Variants in DNMT3A observed in about 807,000 individuals in gnomAD.
DNMT3A encodes the protein DNA methyltransferase 3 alpha, also known as DNA (cytosine-5)-methyltransferase 3A.
Under a neutral mutation model 117.6 loss-of-function variants are expected in DNMT3A, and 267 were observed. The ratio of observed to expected loss-of-function variants is 2.27; its 90% CI spans 2.05 to 2.51. DNMT3A has a LOEUF of 2.51. Among genes scored for constraint, DNMT3A ranks in the 30% most tolerant of loss-of-function variants. The pLI, the probability that DNMT3A is intolerant of heterozygous loss-of-function variation, is 0.00. For synonymous variants in DNMT3A, 432 were observed against 474.8 expected, an observed-to-expected ratio of 0.91 and a Z score of 1.17; for missense variants, 1,029 against 1,260.2, an observed-to-expected ratio of 0.82 and a Z score of 2.78.
intron 1 of DNMT3A, among the ~76,000 whole-genome samples, chr2:25,320,329 G>A (rs978258390): frequency 5.3e-5 from 8 of 152,174 alleles, no homozygotes; most frequent in African/African-American, 1.4e-4. Context: ...GTGACTGCCC[G>A]TGTGGAAAGC....
chr2:25,277,148 G>T (rs1408622619), intron 4 of DNMT3A, among the ~76,000 whole-genome samples: 1 of 152,136 alleles, frequency 6.6e-6, no homozygotes, highest in Non-Finnish European at 1.5e-5. Flanking sequence ...CTTGTCGCGG[G>T]CACCTGTGCG....
In DNMT3A at chr2:25,336,112, C is replaced by T. The variant is rs533849762; in HGVS notation, c.-178+5714G>A. On this transcript the variant is annotated intron_variant, in intron 1 of 22. Coordinates refer to ENST00000321117, the MANE Select transcript of DNMT3A (RefSeq NM_022552.5). ...ATGTGATCAGCAAGGGAGATTTGGCCCAGAAGGCCCTGCCCACCAGCTGTT... is the reference window on the plus strand; with the variant it reads ...ATGTGATCAGCAAGGGAGATTTGGCTCAGAAGGCCCTGCCCACCAGCTGTT... 2.2e-4 allele frequency among the ~76,000 whole-genome samples: 34 copies of T among 152,338 alleles called. No individual in the cohort carries two copies. The South Asian group carries it at 6.4e-3, about 29-fold the overall frequency.
intron 3 of DNMT3A, among the ~76,000 whole-genome samples, chr2:25,299,282 C>T (rs1056889296): frequency 6.6e-6 from 1 of 152,176 alleles, no homozygotes; most frequent in African/African-American, 2.4e-5. Flanking sequence ...AAGCCTGGCG[C>T]TGGGGCTGGC....
At position 25,233,551 on chromosome 2, in the gene DNMT3A, G is replaced by T; in HGVS notation, c.*728C>A. Reference sequence around the variant, plus strand: ...TGATTTTCTTCAAGGTTTCCTGTGTGGTAGGCACCTGAAATACTGTAGAAA... The same window carrying T: ...TGATTTTCTTCAAGGTTTCCTGTGTTGTAGGCACCTGAAATACTGTAGAAA... On this transcript the variant is annotated 3_prime_UTR_variant, in exon 23 of 23. Coordinates refer to ENST00000321117, the MANE Select transcript of DNMT3A (RefSeq NM_022552.5). 2 of 233,336 alleles carry T rather than the reference G, an allele frequency of 8.6e-6. No individual in the cohort carries two copies. Among genetic ancestry groups the T allele is most frequent in the Non-Finnish European group, 1.7e-5 (2 of 117,948 alleles). The allele number at this position is 233,336 out of a possible 1,614,324, so 14.5% of individuals were successfully genotyped here.
rs774696234 is a variant in DNMT3A, at chr2:25,244,647, G to T, written c.1560C>A (p.Cys520Ter). Residue 520 changes from cysteine (C) to a stop codon, truncating the protein, a stop_gained, in exon 14 of 23, where the codon TGC becomes TGA. Transcript: ENST00000321117. LOFTEE classifies it high-confidence loss of function. ...VGGMCQNCKN[C>*]FLECAYQYDD... The stretch of plus-strand genomic sequence containing the variant: ...CGTACTGGTACGCACACTCCAGAAA[G>T]CAGTTCTAGACAGCAGCGGGAAGGG... The T allele has an allele frequency of 6.2e-7, 1 of 1,614,060 alleles. No homozygotes were observed. Among genetic ancestry groups the T allele is most frequent in the Non-Finnish European group, 8.5e-7 (1 of 1,179,964 alleles).
chr2:25,340,527 G>A (rs1345532937), intron 1 of DNMT3A, among the ~76,000 whole-genome samples: 3 of 152,040 alleles, frequency 2.0e-5, no homozygotes, highest in African/African-American at 7.2e-5. Context: ...GGGGAGGGAA[G>A]GCAGGGCGGC....
rs1431156021 is a variant in DNMT3A at position 25,243,904 on chromosome 2, C to T, written c.1930G>A (p.Ala644Thr). ...IRVLSLFDGI[A>T]TGLLVLKDLG... ...TTGGGCCTGCACCCCTCACCTGTAG[C>T]GATTCCATCAAAGAGAGACAGCACC... The change falls in exon 16 of 23, where the codon GCT (alanine) becomes ACT (threonine). Residue 644 changes from alanine (A) to threonine (T), a missense_variant. Coordinates refer to ENST00000321117, the MANE Select transcript of DNMT3A (RefSeq NM_022552.5). The T allele has an allele frequency of 2.6e-6, 4 of 1,551,926 alleles. No homozygotes were observed. The highest frequency in any genetic ancestry group is 2.0e-5 in the Admixed American group (1 of 51,010).
At position 25,245,388 on chromosome 2, in the gene DNMT3A, C is replaced by T. The variant is rs143918733; in HGVS notation, c.1475-56G>A. On this transcript the variant is annotated intron_variant, in intron 12 of 22. Coordinates refer to ENST00000321117, the MANE Select transcript of DNMT3A (RefSeq NM_022552.5). ...TACCACCGAAGGGCCTCTCCCTCCC[C>T]GGGCCGGAGCCCAGCACCAGACCAG... 1.4e-4 allele frequency: 210 copies of T among 1,516,072 alleles called. No homozygotes were observed. The African/African-American group carries it at 2.2e-3, about 16-fold the overall frequency. 93.9% of individuals were successfully genotyped at this position (1,516,072 alleles called of 1,614,324 possible). A position where few individuals can be genotyped will look rare whatever the true frequency, so the allele number is the denominator to read the frequency against.
chr2:25,243,960 G>GGTGGGTA lies in DNMT3A; in HGVS notation c.1867_1873dup (p.Pro625LeufsTer7). 1 of 1,553,566 alleles carries GGTGGGTA rather than the reference G, an allele frequency of 6.4e-7. No homozygotes were observed. Among genetic ancestry groups the GGTGGGTA allele is most frequent in the Non-Finnish European group, 8.7e-7 (1 of 1,147,886 alleles). ...GGGCTTCCTCTTCTCAGCTGGGACAGGTGGGTAAACCTTTGGAGGGTCCTA... is the reference window on the plus strand; with the variant it reads ...GGGCTTCCTCTTCTCAGCTGGGACAGGTGGGTAGTGGGTAAACCTTTGGAGGGTCCTA... On this transcript the variant is annotated frameshift_variant, in exon 16 of 23. Transcript: ENST00000321117. LOFTEE classifies it high-confidence loss of function.
chr2:25,294,279 C>T lies in DNMT3A; in HGVS notation c.177+5860G>A, dbSNP rs943933825. Among the ~76,000 whole-genome samples, 12 of 152,280 alleles carry T rather than the reference C, an allele frequency of 7.9e-5. No individual in the cohort carries two copies. Among genetic ancestry groups the T allele is most frequent in the African/African-American group, 2.6e-4 (11 of 41,558 alleles). On this transcript the variant is annotated intron_variant, in intron 3 of 22. Transcript: ENST00000321117. This position sits in a 1 kb window ranked among gnomAD's most constrained non-coding sequence, Gnocchi z 4.7. The stretch of plus-strand genomic sequence containing the variant: ...GCCCTTCCATGCAGCACTCCAGTAG[C>T]GGGCGTTGATTTCACCGCTCAGGTC...
chr2:25,307,114 T>C (rs559841864), intron 2 of DNMT3A, among the ~76,000 whole-genome samples: 144 of 152,338 alleles, frequency 9.5e-4, no homozygotes, highest in Admixed American at 2.5e-3. Flanking sequence ...GATGACAGAA[T>C]GAGTCAATTA....
intron 6 of DNMT3A, among the ~76,000 whole-genome samples, chr2:25,261,751 C>T (rs1227463436): frequency 6.6e-6 from 1 of 152,168 alleles, no homozygotes; most frequent in East Asian, 1.9e-4. Flanking sequence ...CCCCCGGCCA[C>T]CTGCTCCCAG....
rs1672899546 is a variant in DNMT3A, at chr2:25,231,957, G to A, written c.*2322C>T. 6.6e-6 allele frequency: 1 copy of A among 152,410 alleles called. No individual in the cohort carries two copies. Among genetic ancestry groups the A allele is most frequent in the South Asian group, 2.1e-4 (1 of 4,830 alleles). The allele number at this position is 152,410 out of a possible 1,614,324, so 9.4% of individuals were successfully genotyped here. ...GGAGCCCCCTGGCGTGTGTGTGTGT[G>A]TGTGAGTGCATTCATTATGCATCAG... On this transcript the variant is annotated 3_prime_UTR_variant, in exon 23 of 23. Coordinates refer to ENST00000321117, the MANE Select transcript of DNMT3A (RefSeq NM_022552.5).
At chr2:25,244,127 G>C (rs1156697548) in intron 15 of DNMT3A, 28 bp downstream of exon 15, 3 of 1,613,646 alleles carry the variant, frequency 1.9e-6, no homozygotes, top group Non-Finnish European at 2.5e-6. Flanking sequence ...AAGGGAGCTC[G>C]AGACCGCGCC....
chr2:25,234,385 GAGACGTC>G lies in DNMT3A; in HGVS notation c.2626_2632del (p.Asp876ProfsTer3). 6.2e-7 allele frequency: 1 copy of G among 1,614,114 alleles called. No individual in the cohort carries two copies. Among genetic ancestry groups the G allele is most frequent in the Non-Finnish European group, 8.5e-7 (1 of 1,179,996 alleles). Reference sequence around the variant, plus strand: ...CTGCCTCGCCAAGCGGCTCATGTTGGAGACGTCAGTATAGTGGACTGGGAAACCAAAT... The same window carrying G: ...CTGCCTCGCCAAGCGGCTCATGTTGGAGTATAGTGGACTGGGAAACCAAAT... On this transcript the variant is annotated frameshift_variant, in exon 23 of 23. Coordinates refer to ENST00000321117, the MANE Select transcript of DNMT3A (RefSeq NM_022552.5). LOFTEE classifies it high-confidence loss of function. The surrounding 1 kb of genome is among the most constrained non-coding windows in gnomAD (Gnocchi z 4.5).
chr2:25,235,886 T>G (rs958748836), intron 21 of DNMT3A, 61 bp from the exon 22 acceptor site: 4 of 1,439,582 alleles, frequency 2.8e-6, no homozygotes, highest in African/African-American at 2.8e-5. Flanking sequence ...ACACTGGTCA[T>G]GCGTCTACCA....
intron 2 of DNMT3A, among the ~76,000 whole-genome samples, chr2:25,300,895 G>T (rs1347350140): frequency 6.7e-6 from 1 of 149,416 alleles, no homozygotes; most frequent in African/African-American, 2.5e-5. Context: ...AAGGATTTGA[G>T]TTAAAAGTTT....
At position 25,341,903 on chromosome 2, in the gene DNMT3A, C is replaced by CTCGCCGCCG; in HGVS notation, c.-264_-256dup. 1 of 980,422 alleles carries CTCGCCGCCG rather than the reference C, an allele frequency of 1.0e-6. No individual in the cohort carries two copies. Among genetic ancestry groups the CTCGCCGCCG allele is most frequent in the Non-Finnish European group, 1.2e-6 (1 of 827,986 alleles). The allele number at this position is 980,422 out of a possible 1,614,324, so 60.7% of individuals were successfully genotyped here. ...GCCGCGTCCCGGCTCGTCCTCTGCTCTCGCCGCCGCCGCCGCCCGCGCGCC... is the reference window on the plus strand; with the variant it reads ...GCCGCGTCCCGGCTCGTCCTCTGCTCTCGCCGCCGTCGCCGCCGCCGCCGCCCGCGCGCC... On this transcript the variant is annotated 5_prime_UTR_variant, in exon 1 of 23. Coordinates refer to ENST00000321117, the MANE Select transcript of DNMT3A (RefSeq NM_022552.5).
At chr2:25,276,943 G>A (rs1291784901) in intron 4 of DNMT3A, among the ~76,000 whole-genome samples, 1 of 152,256 alleles carries the variant, frequency 6.6e-6, no homozygotes, top group African/African-American at 2.4e-5. Context: ...TCGTGACAGG[G>A]GGGTCCTGGA....
Sources: gnomAD v4.1 joint callset for allele counts (sites outside exome capture counted in the v4.1 genomes callset) on GRCh38, gnomAD v4.1.1 for gene constraint, Gnocchi (gnomAD v3.1) non-coding constraint, MANE v1.5 for transcripts, NCBI Gene and HGNC (gene_info 2026-07-23, HGNC 2026-07-21) for gene names.